The following ANO4 variants were observed in gnomAD, a reference collection of about 807,000 sequenced individuals.
ANO4 encodes anoctamin-4.
Under a neutral mutation model 141.9 loss-of-function variants are expected in ANO4, and 69 were observed. The ratio of observed to expected loss-of-function variants is 0.49; its 90% CI spans 0.40 to 0.59. ANO4 has a LOEUF of 0.59. ANO4 is among the 20% of genes least tolerant of loss of function. The pLI, the probability that ANO4 is intolerant of heterozygous loss-of-function variation, is 0.00. For synonymous variants in ANO4, 350 were observed against 394.3 expected (o/e 0.89, Z 1.33); for missense variants, 894 against 1,162.2 (o/e 0.77, Z 3.36).
At chr12:100,923,200 A>G (rs760739764) in intron 3 of ANO4, among the ~76,000 whole-genome samples, 8 of 152,048 alleles carry the variant, frequency 5.3e-5, no homozygotes, top group African/African-American at 1.2e-4. Flanking sequence ...GGTTTGATAC[A>G]TAGGTATACA....
At chr12:100,723,733 T>G (rs1169688729) in intron 1 of ANO4, among the ~76,000 whole-genome samples, 1 of 152,174 alleles carries the variant, frequency 6.6e-6, no homozygotes, top group Non-Finnish European at 1.5e-5. Flanking sequence ...ATAAACAATT[T>G]AGAGTGCTTT....
At chr12:100,768,682 T>C (rs1157020433) in intron 3 of ANO4, among the ~76,000 whole-genome samples, 1 of 152,226 alleles carries the variant, frequency 6.6e-6, no homozygotes, top group Non-Finnish European at 1.5e-5. Flanking sequence ...CTTGGTTTAT[T>C]ATGGCTTTGA....
chr12:100,936,218 A>G (rs1245467399), intron 3 of ANO4, among the ~76,000 whole-genome samples: 1 of 152,150 alleles, frequency 6.6e-6, no homozygotes, highest in Non-Finnish European at 1.5e-5. Flanking sequence ...TGCTCCTTCT[A>G]GAATCAAATC....
intron 1 of ANO4, among the ~76,000 whole-genome samples, chr12:100,879,957 G>T (rs901336958): frequency 1.3e-5 from 2 of 152,156 alleles, no homozygotes; most frequent in African/African-American, 4.8e-5. Context: ...GGATGATGAG[G>T]GTTGAGCTAT....
In ANO4 at chr12:100,891,752, A is replaced by T. The variant is rs532409896; in HGVS notation, c.-140-9894A>T. On this transcript the variant is annotated intron_variant, in intron 1 of 27. Transcript: ENST00000392977. ...CATATGTTATATCACATACTTGTCA[A>T]TTTTTATGGTGAGAATGCTTAAAAT... 2.0e-5 allele frequency among the ~76,000 whole-genome samples: 3 copies of T among 152,318 alleles called. No homozygotes were observed. The East Asian group carries it at 5.8e-4, about 29-fold the overall frequency.
At chr12:100,881,427 A>C (rs2039563275) in intron 1 of ANO4, among the ~76,000 whole-genome samples, 1 of 140,084 alleles carries the variant, frequency 7.1e-6, no homozygotes, top group Middle Eastern at 3.6e-3. Flanking sequence ...TTTTATCTTT[A>C]GGAAAAAAAA....
At chr12:101,096,422 G>A in intron 18 of ANO4, 114 bp from the exon 19 acceptor site, 1 of 765,248 alleles carries the variant, frequency 1.3e-6, no homozygotes, top group Non-Finnish European at 2.2e-6. Context: ...GGAGTCTCCT[G>A]CAGCCTCCTC....
chr12:101,098,571 C>T (rs890468423), intron 21 of ANO4, among the ~76,000 whole-genome samples: 2 of 152,168 alleles, frequency 1.3e-5, no homozygotes, highest in African/African-American at 4.8e-5. Flanking sequence ...TGGTTCACTT[C>T]AGAAAATCTT....
In ANO4 at chr12:101,042,423, T is replaced by C. The variant is rs893140935; in HGVS notation, c.1109T>C (p.Phe370Ser). The change falls in exon 12 of 28, where the codon TTT becomes TCT. Residue 370 changes from phenylalanine to serine, a missense_variant. This residue lies in a region of ANO4 where 637 missense variants were observed against 909.2 expected (regional missense o/e 0.70). Coordinates refer to ENST00000392977, the MANE Select transcript of ANO4 (RefSeq NM_001286615.2). The part of the protein sequence containing the change: ...MLFPAAFIGL[F>S]VFLYGVTTLD... ...TTCCCAGCTGCCTTCATTGGATTGT[T>C]TGTCTTTTTGTATGGCGTCACCACT... The C allele has an allele frequency of 2.2e-5, 36 of 1,614,036 alleles. No homozygotes were observed. The highest frequency in any genetic ancestry group is 3.0e-5 in the Non-Finnish European group (35 of 1,180,024).
chr12:100,994,329 G>T (rs2045273656), intron 8 of ANO4, among the ~76,000 whole-genome samples: 2 of 152,196 alleles, frequency 1.3e-5, no homozygotes, highest in African/African-American at 4.8e-5. Flanking sequence ...CTGTGCCTGT[G>T]AATGTTGCCC....
intron 1 of ANO4, among the ~76,000 whole-genome samples, chr12:100,885,975 G>A (rs182758456): frequency 2.6e-5 from 4 of 152,208 alleles, no homozygotes; most frequent in Non-Finnish European, 4.4e-5. Flanking sequence ...TATTCCATCC[G>A]TGTTCTTATT....
At chr12:100,874,865 TG>T (rs1339402617) in intron 1 of ANO4, among the ~76,000 whole-genome samples, 1 of 152,148 alleles carries the variant, frequency 6.6e-6, no homozygotes, top group African/African-American at 2.4e-5. Flanking sequence ...GTATGGGTCC[TG>T]TAGCCCCTTA....
intron 17 of ANO4, among the ~76,000 whole-genome samples, chr12:101,087,872 A>G (rs1383347944): frequency 2.6e-5 from 4 of 152,180 alleles, no homozygotes; most frequent in Admixed American, 2.6e-4. Flanking sequence ...CACATCCCGA[A>G]GTCCCACCCT....
At chr12:101,081,327 A>G (rs984593245) in intron 15 of ANO4, among the ~76,000 whole-genome samples, 5 of 152,104 alleles carry the variant, frequency 3.3e-5, no homozygotes, top group African/African-American at 1.2e-4. Flanking sequence ...TATTTGAGTA[A>G]CTTTGACTAA....
chr12:100,752,989 A>G (rs2135503126), intron 3 of ANO4, among the ~76,000 whole-genome samples: 1 of 152,228 alleles, frequency 6.6e-6, no homozygotes, highest in Non-Finnish European at 1.5e-5. Context: ...TGGCTGATCT[A>G]GGTTGTCCTC....
intron 14 of ANO4, among the ~76,000 whole-genome samples, chr12:101,071,742 T>A (rs1169392607): frequency 6.6e-6 from 1 of 152,186 alleles, no homozygotes; most frequent in Non-Finnish European, 1.5e-5. Flanking sequence ...AGGGGATAGA[T>A]ACTCGATTTT....
intron 3 of ANO4, among the ~76,000 whole-genome samples, chr12:100,753,205 C>A (rs2032460338): frequency 6.6e-6 from 1 of 152,046 alleles, no homozygotes; most frequent in African/African-American, 2.4e-5. Context: ...ATGGATGAGC[C>A]CAAAATTAAA....
intron 22 of ANO4, among the ~76,000 whole-genome samples, chr12:101,102,549 A>T (rs1222806496): frequency 6.6e-6 from 1 of 152,038 alleles, no homozygotes; most frequent in East Asian, 1.9e-4. Context: ...TTTTGTGGGT[A>T]TCTGTCTTTT....
chr12:100,856,768 C>T (rs925252335), intron 1 of ANO4, among the ~76,000 whole-genome samples: 1 of 152,036 alleles, frequency 6.6e-6, no homozygotes, highest in African/African-American at 2.4e-5. Context: ...AGAGCAGCTT[C>T]GCATTGTGGA....
Sources: gnomAD v4.1 joint callset for allele counts (sites outside exome capture counted in the v4.1 genomes callset) on GRCh38, gnomAD v4.1.1 for gene constraint, gnomAD v4.1.1 regional missense constraint, MANE v1.5 for transcripts, NCBI Gene and HGNC (gene_info 2026-07-23, HGNC 2026-07-21) for gene names.